SUGCT: variants seen among roughly 807,000 people sequenced by gnomAD.
SUGCT encodes succinyl-CoA:glutarate-CoA transferase.
SUGCT carries 41 observed loss-of-function variants against 55.0 expected under a neutral mutation model. That is an observed-to-expected ratio of 0.74 (90% CI 0.58 to 0.97). The LOEUF is 0.97. SUGCT is among the 50% of genes least tolerant of loss of function. The probability of loss-of-function intolerance (pLI) is 0.00; values close to 1 mark genes in which losing one functional copy is unlikely to be tolerated. For synonymous variants in SUGCT, 187 were observed against 200.4 expected, an observed-to-expected ratio of 0.93 and a Z score of 0.56; for missense variants, 568 against 547.8, an observed-to-expected ratio of 1.04 and a Z score of -0.37.
At chr7:40,293,875 T>C (rs1793948708) in intron 8 of SUGCT, among the ~76,000 whole-genome samples, 1 of 152,230 alleles carries the variant, frequency 6.6e-6, no homozygotes, top group Admixed American at 6.5e-5. Flanking sequence ...GATAGTTCTG[T>C]ACTTAATGTC....
intron 12 of SUGCT, among the ~76,000 whole-genome samples, chr7:40,528,166 A>G (rs1039964592): frequency 3.9e-5 from 6 of 152,220 alleles, no homozygotes; most frequent in African/African-American, 1.4e-4. Flanking sequence ...GAATGAAATC[A>G]TACCTGCAAT....
chr7:41,020,557 A>T, the SUGCT span, among the ~76,000 whole-genome samples: 1 of 152,252 alleles, frequency 6.6e-6, no homozygotes, highest in East Asian at 1.9e-4. Context: ...GAAGGTATAG[A>T]TGCCATTCTA....
At chr7:40,146,234 C>G (rs151109521) in intron 1 of SUGCT, among the ~76,000 whole-genome samples, 1 of 152,074 alleles carries the variant, frequency 6.6e-6, no homozygotes, top group African/African-American at 2.4e-5. Context: ...TTGGGCCATC[C>G]GCAGGTTACT....
intron 12 of SUGCT, among the ~76,000 whole-genome samples, chr7:40,555,740 T>C (rs1379763144): frequency 6.6e-6 from 1 of 152,038 alleles, no homozygotes; most frequent in Non-Finnish European, 1.5e-5. Flanking sequence ...TGTAAGGAAG[T>C]ACAATATTGC....
At chr7:40,870,795 A>G in the SUGCT span, among the ~76,000 whole-genome samples, 1 of 151,928 alleles carries the variant, frequency 6.6e-6, no homozygotes, top group African/African-American at 2.4e-5. Flanking sequence ...TTATTCAATT[A>G]TTTATTTATA....
At chr7:40,691,697 A>G (rs1001823312) in intron 12 of SUGCT, among the ~76,000 whole-genome samples, 1 of 152,208 alleles carries the variant, frequency 6.6e-6, no homozygotes, top group Non-Finnish European at 1.5e-5. Flanking sequence ...AGTCAAATGG[A>G]AAGTCAAATG....
At chr7:40,909,462 G>A in the SUGCT span, among the ~76,000 whole-genome samples, 3 of 152,158 alleles carry the variant, frequency 2.0e-5, no homozygotes, top group African/African-American at 7.2e-5. Flanking sequence ...TGAAGGTGTT[G>A]TATTTTCTGA....
At chr7:40,857,544 G>C (rs1314444202) in intron 13 of SUGCT, among the ~76,000 whole-genome samples, 1 of 152,112 alleles carries the variant, frequency 6.6e-6, no homozygotes, top group Non-Finnish European at 1.5e-5. Context: ...CTTCAGTGTA[G>C]ATCTGGAAGC....
intron 12 of SUGCT, among the ~76,000 whole-genome samples, chr7:40,667,219 G>GT (rs1444149734): frequency 2.6e-5 from 4 of 151,052 alleles, no homozygotes; most frequent in Non-Finnish European, 5.9e-5. Flanking sequence ...TATGGTTTTT[G>GT]TTTTTAACTC....
chr7:40,256,931 A>T (rs1194637854), intron 7 of SUGCT, among the ~76,000 whole-genome samples: 1 of 152,012 alleles, frequency 6.6e-6, no homozygotes, highest in Non-Finnish European at 1.5e-5. Context: ...TTTAACAGAG[A>T]TGGGGTTTCA....
chr7:40,978,169 G>T, the SUGCT span, among the ~76,000 whole-genome samples: 1 of 152,144 alleles, frequency 6.6e-6, no homozygotes, highest in South Asian at 2.1e-4. Flanking sequence ...AATACAGGCT[G>T]GTCCTCAGCC....
the SUGCT span, among the ~76,000 whole-genome samples, chr7:40,970,319 T>C: frequency 6.6e-6 from 1 of 152,028 alleles, no homozygotes; most frequent in Non-Finnish European, 1.5e-5. Flanking sequence ...TTACAGGCAC[T>C]CGCCACCATG....
chr7:40,982,811 C>G, the SUGCT span, among the ~76,000 whole-genome samples: 2 of 152,164 alleles, frequency 1.3e-5, no homozygotes, highest in Admixed American at 1.3e-4. Flanking sequence ...CTATGCCCAG[C>G]TAATTTTTTG....
Position 40,568,832 on chromosome 7 carries a change from C to A in SUGCT, c.1089+72446C>A, listed in dbSNP as rs186771585. Among the ~76,000 whole-genome samples the A allele has an allele frequency of 2.1e-4, 32 of 152,290 alleles. No individual in the cohort carries two copies. The South Asian group carries it at 6.6e-3, about 32-fold the overall frequency. ...GCCAAAAGCAGTTAATAAGTTCCTT[C>A]GTGAGAATTAGGAGCAACATTGAAG... On this transcript the variant is annotated intron_variant, in intron 12 of 13. Coordinates refer to ENST00000335693, the MANE Select transcript of SUGCT (RefSeq NM_001193313.2).
At chr7:40,516,161 A>G (rs1444928491) in intron 12 of SUGCT, among the ~76,000 whole-genome samples, 1 of 152,166 alleles carries the variant, frequency 6.6e-6, no homozygotes, top group East Asian at 1.9e-4. Flanking sequence ...TCTGCTTTGA[A>G]AAAAAGTCTA....
chr7:40,595,902 C>G (rs899365102), intron 12 of SUGCT, among the ~76,000 whole-genome samples: 19 of 152,190 alleles, frequency 1.2e-4, no homozygotes, highest in Non-Finnish European at 2.9e-5. Context: ...ATCAAAGTTA[C>G]TGGTACCTTT....
chr7:40,258,164 C>T (rs1790944806), intron 7 of SUGCT, among the ~76,000 whole-genome samples: 1 of 152,152 alleles, frequency 6.6e-6, no homozygotes, highest in Non-Finnish European at 1.5e-5. Flanking sequence ...CTCTCCTCTG[C>T]CATGTAATCT....
intron 12 of SUGCT, among the ~76,000 whole-genome samples, chr7:40,559,837 A>C (rs1473206650): frequency 6.6e-6 from 1 of 152,246 alleles, no homozygotes; most frequent in Non-Finnish European, 1.5e-5. Context: ...AGAACTTTTG[A>C]AACTTTCACC....
chr7:40,336,740 C>CT, intron 9 of SUGCT, among the ~76,000 whole-genome samples: 1 of 152,236 alleles, frequency 6.6e-6, no homozygotes, highest in Admixed American at 6.5e-5. Flanking sequence ...TTTTGTGTCT[C>CT]TATCTCCTTC....
Sources: allele counts gnomAD v4.1 joint callset (sites outside exome capture counted in the v4.1 genomes callset), GRCh38; gene constraint gnomAD v4.1.1; transcripts MANE v1.5; gene names NCBI Gene and HGNC (gene_info 2026-07-23, HGNC 2026-07-21).